The following TMEM135 variants were observed in gnomAD, a reference collection of about 807,000 sequenced individuals.
TMEM135 encodes the protein peroxisomal membrane protein 52.
TMEM135 carries 30 observed loss-of-function variants against 60.3 expected under a neutral mutation model. That is an observed-to-expected ratio of 0.50 (90% confidence interval 0.37 to 0.68). TMEM135 has a LOEUF of 0.68. Among genes scored for constraint, TMEM135 ranks in the 30% least tolerant of loss-of-function variants. The probability of loss-of-function intolerance (pLI) is 0.00; values close to 1 mark genes in which losing one functional copy is unlikely to be tolerated. For synonymous variants in TMEM135, 190 were observed against 186.7 expected (o/e 1.02, Z -0.14); for missense variants, 468 against 548.8 (o/e 0.85, Z 1.47).
At chr11:87,205,208 G>T (rs1002629547) in intron 5 of TMEM135, among the ~76,000 whole-genome samples, 1 of 152,154 alleles carries the variant, frequency 6.6e-6, no homozygotes, top group Non-Finnish European at 1.5e-5. Context: ...TCTGAAGATG[G>T]CTCTAAATAA....
intron 5 of TMEM135, among the ~76,000 whole-genome samples, chr11:87,188,246 G>A (rs301575): frequency 0.53 from 79,764 of 151,832 alleles, 22,113 homozygotes; most frequent in East Asian, 0.73. Flanking sequence ...GCTTTATGAT[G>A]AAGTCTTGGA....
chr11:87,056,471 T>C (rs1271241403), intron 1 of TMEM135, among the ~76,000 whole-genome samples: 1 of 152,240 alleles, frequency 6.6e-6, no homozygotes, highest in East Asian at 1.9e-4. Context: ...TTAAATTTCA[T>C]GATTAGATTT....
At chr11:87,212,824 G>GAAAAAAAAAAAAAAAAA (rs60084755) in intron 5 of TMEM135, among the ~76,000 whole-genome samples, 1 of 105,544 alleles carries the variant, frequency 9.5e-6, no homozygotes, top group African/African-American at 3.4e-5. Context: ...CCTGATTTTG[G>GAAAAAAAAAAAAAAAAA]AAAAAAAAAA....
Position 87,325,905 on chromosome 11 carries a change from T to C in TMEM135, c.*4572T>C, listed in dbSNP as rs1327372828. 2.2e-6 allele frequency: 1 copy of C among 453,980 alleles called. No homozygotes were observed. Among genetic ancestry groups the C allele is most frequent in the East Asian group, 7.0e-5 (1 of 14,378 alleles). The allele number at this position is 453,980 out of a possible 1,614,324, so 28.1% of individuals were successfully genotyped here. A position where few individuals can be genotyped will look rare whatever the true frequency, so the allele number is the denominator to read the frequency against. On this transcript the variant is annotated 3_prime_UTR_variant, in exon 15 of 15. Coordinates refer to ENST00000305494, the MANE Select transcript of TMEM135 (RefSeq NM_022918.4). ...TCTCCATTTTTTTTCCATCTGTCCC[T>C]CCTACGAATATGTTTTACATGAAAT...
intron 3 of TMEM135, among the ~76,000 whole-genome samples, chr11:87,078,613 TTTTA>T (rs1178735362): frequency 6.6e-6 from 1 of 152,124 alleles, no homozygotes; most frequent in African/African-American, 2.4e-5. Flanking sequence ...TCTTTCTTTT[TTTTA>T]TTTGTTTGTT....
chr11:87,046,628 G>C (rs1376755552), intron 1 of TMEM135, among the ~76,000 whole-genome samples: 1 of 152,182 alleles, frequency 6.6e-6, no homozygotes, highest in African/African-American at 2.4e-5. Context: ...AGAAATGCAG[G>C]GGTAGAGAGA....
chr11:87,109,902 TTAGA>T (rs1440101765), intron 4 of TMEM135, among the ~76,000 whole-genome samples: 1 of 152,156 alleles, frequency 6.6e-6, no homozygotes, highest in Non-Finnish European at 1.5e-5. Context: ...TATGTGTTAA[TTAGA>T]TAGAGAAGTA....
chr11:87,043,958 A>C (rs1949773288), intron 1 of TMEM135, among the ~76,000 whole-genome samples: 1 of 152,092 alleles, frequency 6.6e-6, no homozygotes, highest in Admixed American at 6.5e-5. Flanking sequence ...GGTTTTCTTT[A>C]GGACCTCTAG....
intron 9 of TMEM135, among the ~76,000 whole-genome samples, chr11:87,307,193 G>A (rs956375045): frequency 2.0e-5 from 3 of 152,124 alleles, no homozygotes; most frequent in Admixed American, 6.5e-5. Flanking sequence ...CCACATTAGT[G>A]CTCATGAAGG....
chr11:87,140,567 A>G (rs900276763), intron 4 of TMEM135, among the ~76,000 whole-genome samples: 2 of 152,214 alleles, frequency 1.3e-5, no homozygotes, highest in African/African-American at 4.8e-5. Flanking sequence ...GGGACAGTCA[A>G]TGTCACATTT....
intron 5 of TMEM135, among the ~76,000 whole-genome samples, chr11:87,168,482 C>G (rs1222963972): frequency 6.6e-6 from 1 of 152,128 alleles, no homozygotes; most frequent in Non-Finnish European, 1.5e-5. Flanking sequence ...TTAGCTGTGT[C>G]CCAGAGATTC....
chr11:87,313,361 T>C, intron 10 of TMEM135, 64 bp from the exon 11 acceptor site: 1 of 1,367,450 alleles, frequency 7.3e-7, no homozygotes, highest in Non-Finnish European at 1.0e-6. Flanking sequence ...ATAGTTGTTT[T>C]TGTTTTATGC....
At chr11:87,111,523 C>T (rs1228255167) in intron 4 of TMEM135, among the ~76,000 whole-genome samples, 2 of 151,430 alleles carry the variant, frequency 1.3e-5, no homozygotes, top group African/African-American at 2.4e-5. Context: ...TGGTGGTGGG[C>T]GCCTGTAGTC....
chr11:87,295,145 C>T (rs948211174), intron 6 of TMEM135, among the ~76,000 whole-genome samples: 4 of 152,092 alleles, frequency 2.6e-5, no homozygotes, highest in Non-Finnish European at 4.4e-5. Flanking sequence ...AATGAGACAA[C>T]ACATATAAAG....
intron 5 of TMEM135, among the ~76,000 whole-genome samples, chr11:87,177,782 A>G (rs1939417552): frequency 6.6e-6 from 1 of 152,136 alleles, no homozygotes; most frequent in South Asian, 2.1e-4. Flanking sequence ...GCCCTCCAGA[A>G]GACTGCTCTC....
intron 8 of TMEM135, 25 bp downstream of exon 8, chr11:87,302,467 A>G: frequency 6.2e-7 from 1 of 1,613,492 alleles, no homozygotes; most frequent in Non-Finnish European, 8.5e-7. Context: ...TTGATATTTT[A>G]ACCTGCTTTG....
At chr11:87,071,159 T>C (rs370012350) in intron 2 of TMEM135, among the ~76,000 whole-genome samples, 4 of 152,306 alleles carry the variant, frequency 2.6e-5, no homozygotes, top group South Asian at 4.1e-4. Context: ...TAATGAGAGT[T>C]AGTGAGAGAC....
chr11:87,061,199 A>G (rs1949943454), intron 1 of TMEM135, among the ~76,000 whole-genome samples: 2 of 152,232 alleles, frequency 1.3e-5, no homozygotes, highest in Non-Finnish European at 2.9e-5. Context: ...CAAAATATAT[A>G]AATTCATTAT....
At chr11:87,154,355 C>T (rs947805758) in intron 4 of TMEM135, among the ~76,000 whole-genome samples, 3 of 151,862 alleles carry the variant, frequency 2.0e-5, no homozygotes, top group East Asian at 1.9e-4. Context: ...ATGTATATAC[C>T]GTATTTTGTT....
Sources: allele counts gnomAD v4.1 joint callset (sites outside exome capture counted in the v4.1 genomes callset), GRCh38; gene constraint gnomAD v4.1.1; transcripts MANE v1.5; gene names NCBI Gene and HGNC (gene_info 2026-07-23, HGNC 2026-07-21).